Variants in PRKX observed in about 807,000 individuals in gnomAD.
PRKX encodes the protein cAMP-dependent protein kinase catalytic subunit PRKX.
In PRKX, 12 loss-of-function variants were observed where a neutral mutation model predicts 22.0. That is an observed-to-expected ratio of 0.54 (90% CI 0.35 to 0.88). The LOEUF is 0.88. PRKX is among the 40% of genes least tolerant of loss of function. The probability of loss-of-function intolerance (pLI) is 0.01; values close to 1 mark genes in which losing one functional copy is unlikely to be tolerated. For missense variants in PRKX, 217 were observed against 308.0 expected (o/e 0.70, Z 2.21); for synonymous variants, 134 against 137.7 (o/e 0.97, Z 0.19).
intron 3 of PRKX, among the ~76,000 whole-genome samples, chrX:3,650,413 T>C (rs1270346771): frequency 4.2e-4 from 41 of 98,435 alleles, no homozygotes; most frequent in Non-Finnish European, 7.5e-4. Context: ...CCCAGCTACT[T>C]GGGAGGCTGA....
chrX:3,639,705 C>T (rs1315621249), intron 4 of PRKX, among the ~76,000 whole-genome samples: 1 of 110,893 alleles, frequency 9.0e-6, no homozygotes, highest in Non-Finnish European at 1.9e-5. Context: ...TTCCACTCTC[C>T]TCCTGCGGCA....
chrX:3,645,009 TAG>T (rs1238061698), intron 3 of PRKX, among the ~76,000 whole-genome samples: 1 of 111,898 alleles, frequency 8.9e-6, no homozygotes, highest in Non-Finnish European at 1.9e-5. Flanking sequence ...CCTGCCCTGT[TAG>T]AGTCACTCCT....
At chrX:3,637,037 G>GAAGGGAAGGGA (rs1448896176) in intron 4 of PRKX, among the ~76,000 whole-genome samples, 1 of 101,688 alleles carries the variant, frequency 9.8e-6, no homozygotes, top group South Asian at 4.9e-4. Flanking sequence ...AGGAAAGGAA[G>GAAGGGAAGGGA]AAGGGAAGGG....
chrX:3,606,330 G>A lies in PRKX; in HGVS notation c.*2639C>T, dbSNP rs1264148534. 9 of 111,754 alleles carry A rather than the reference G, an allele frequency of 8.1e-5. No individual in the cohort carries two copies. Among genetic ancestry groups the A allele is most frequent in the South Asian group, 3.7e-4 (1 of 2,689 alleles). 9.2% of individuals were successfully genotyped at this position (111,754 alleles called of 1,213,427 possible). A position where few individuals can be genotyped will look rare whatever the true frequency, so the allele number is the denominator to read the frequency against. ...TTCGCACCGTGATTGTTTCGTGATC[G>A]TCCATGCGGACATTTTGGAATGCCC... On this transcript the variant is annotated 3_prime_UTR_variant, in exon 9 of 9. Transcript: ENST00000262848.
intron 1 of PRKX, among the ~76,000 whole-genome samples, chrX:3,689,821 CA>C (rs748039805): frequency 2.4e-3 from 267 of 111,324 alleles, no homozygotes; most frequent in African/African-American, 8.0e-3. Context: ...ACTAAAAATA[CA>C]AAAAATTAGC....
intron 6 of PRKX, among the ~76,000 whole-genome samples, chrX:3,616,669 T>A (rs1926426950): frequency 8.9e-6 from 1 of 112,459 alleles, no homozygotes; most frequent in African/African-American, 3.2e-5. Context: ...AAATTTCTTA[T>A]CCTTAAAGAG....
At chrX:3,643,044 G>A (rs1388271545) in intron 3 of PRKX, among the ~76,000 whole-genome samples, 1 of 103,487 alleles carries the variant, frequency 9.7e-6, no homozygotes, top group Admixed American at 1.1e-4. Flanking sequence ...GCAAGAGCTG[G>A]GTTTGTACTT....
rs1342720180 is a variant in PRKX at position 3,647,845 on chromosome X, GA to G, written c.600-5875del. On this transcript the variant is annotated intron_variant, in intron 3 of 8. Coordinates refer to ENST00000262848, the MANE Select transcript of PRKX (RefSeq NM_005044.5). ...TGGAACTTCTTCATCATTCCAAACA[GA>G]AACTCCATCCTCATTAAACAGCATC... is the stretch of plus-strand genomic sequence containing the variant. Among the ~76,000 whole-genome samples, 3 of 109,238 alleles carry G rather than the reference GA, an allele frequency of 2.7e-5. No homozygotes were observed. The East Asian group carries it at 8.6e-4, about 31-fold the overall frequency. The allele number at this position is 109,238 out of a possible 115,157, so 94.9% of individuals were successfully genotyped here.
At chrX:3,638,652 A>G (rs1315878743) in intron 4 of PRKX, among the ~76,000 whole-genome samples, 1 of 111,938 alleles carries the variant, frequency 8.9e-6, no homozygotes, top group African/African-American at 3.3e-5. Context: ...TGGAAAATTC[A>G]AAAGACCAAC....
At chrX:3,672,642 G>A (rs1927870326) in intron 2 of PRKX, among the ~76,000 whole-genome samples, 1 of 111,070 alleles carries the variant, frequency 9.0e-6, no homozygotes. Context: ...GGCGCAGGGG[G>A]TGTGTGTGAG....
rs1926220527 is a variant in PRKX at position 3,608,092 on chromosome X, G to A, written c.*877C>T. 3 of 108,970 alleles carry A rather than the reference G, an allele frequency of 2.8e-5. No homozygotes were observed. Among genetic ancestry groups the A allele is most frequent in the Non-Finnish European group, 5.7e-5 (3 of 52,520 alleles). The allele number at this position is 108,970 out of a possible 1,213,427, so 9.0% of individuals were successfully genotyped here. On this transcript the variant is annotated 3_prime_UTR_variant, in exon 9 of 9. Coordinates refer to ENST00000262848, the MANE Select transcript of PRKX (RefSeq NM_005044.5). ...AGATGAGGTCTCACCACGTTTCCCA[G>A]ACTGGTCTCCAACTCCTGGGCTCAA...
chrX:3,692,997 G>C (rs1417150464), intron 1 of PRKX, among the ~76,000 whole-genome samples: 3 of 111,041 alleles, frequency 2.7e-5, no homozygotes. Context: ...GAAAAAAAAG[G>C]AGTCAATATA....
chrX:3,642,256 AT>A (rs778959709), intron 3 of PRKX, among the ~76,000 whole-genome samples: 8 of 110,355 alleles, frequency 7.2e-5, no homozygotes, highest in East Asian at 2.8e-4. Flanking sequence ...AAAAAACCTC[AT>A]TTTTTTTGAG....
At chrX:3,705,726 G>A (rs1176520158) in intron 1 of PRKX, among the ~76,000 whole-genome samples, 2 of 102,451 alleles carry the variant, frequency 2.0e-5, no homozygotes, top group African/African-American at 3.7e-5. Flanking sequence ...TTGCTCTGTC[G>A]CCCAGGCTGG....
intron 4 of PRKX, among the ~76,000 whole-genome samples, chrX:3,640,176 G>A (rs1603473740): frequency 9.2e-6 from 1 of 109,252 alleles, no homozygotes; most frequent in Non-Finnish European, 1.9e-5. Context: ...GGGGCAAGCA[G>A]AAGAAAGAAG....
chrX:3,625,772 C>T (rs550357875), intron 5 of PRKX, among the ~76,000 whole-genome samples: 2 of 111,032 alleles, frequency 1.8e-5, no homozygotes, highest in South Asian at 7.7e-4. Context: ...GAGGTTTCAC[C>T]GTGTTTCCCA....
chrX:3,685,129 T>A (rs1175828241), intron 1 of PRKX, among the ~76,000 whole-genome samples: 1 of 111,668 alleles, frequency 9.0e-6, no homozygotes, highest in Non-Finnish European at 1.9e-5. Context: ...AAATAATTCT[T>A]GCATACACAC....
At chrX:3,701,416 G>T (rs971865576) in intron 1 of PRKX, among the ~76,000 whole-genome samples, 4 of 112,645 alleles carry the variant, frequency 3.6e-5, no homozygotes, top group African/African-American at 9.7e-5. Flanking sequence ...TACTTTTTCT[G>T]AAGGTGTCAT....
At chrX:3,643,243 A>G (rs1245468190) in intron 3 of PRKX, among the ~76,000 whole-genome samples, 8 of 109,627 alleles carry the variant, frequency 7.3e-5, no homozygotes, top group Non-Finnish European at 1.5e-4. Flanking sequence ...GGTGGCCTCA[A>G]GCAGGAAGCC....
Sources: gnomAD v4.1 joint callset for allele counts (sites outside exome capture counted in the v4.1 genomes callset) on GRCh38, gnomAD v4.1.1 for gene constraint, MANE v1.5 for transcripts, NCBI Gene and HGNC (gene_info 2026-07-23, HGNC 2026-07-21) for gene names.